OSBP2: variants seen among roughly 807,000 people sequenced by gnomAD.
OSBP2 encodes the protein oxysterol binding protein 2.
OSBP2 carries 66 observed loss-of-function variants against 96.0 expected under a neutral mutation model. The observed-to-expected ratio is 0.69, with a 90% confidence interval of 0.56 to 0.84. The LOEUF (loss-of-function observed/expected upper bound fraction) is 0.84. Among genes scored for constraint, OSBP2 ranks in the 40% least tolerant of loss-of-function variants. The pLI is 0.00. For synonymous variants in OSBP2, 525 were observed against 520.9 expected (o/e 1.01, Z -0.11); for missense variants, 1,038 against 1,222.7 (o/e 0.85, Z 2.25).
intron 2 of OSBP2, among the ~76,000 whole-genome samples, chr22:30,749,961 G>C (rs2090053652): frequency 6.6e-6 from 1 of 152,172 alleles, no homozygotes; most frequent in African/African-American, 2.4e-5. Context: ...CAGTGAGACT[G>C]ATTTCTGCTT....
chr22:30,891,999 G>T (rs1192475145), intron 8 of OSBP2, among the ~76,000 whole-genome samples: 1 of 152,152 alleles, frequency 6.6e-6, no homozygotes, highest in African/African-American at 2.4e-5. Context: ...GGAAAGGAGG[G>T]TGAAGAAGCA....
At chr22:30,886,539 A>G (rs1455521354) in intron 3 of OSBP2, among the ~76,000 whole-genome samples, 1 of 152,202 alleles carries the variant, frequency 6.6e-6, no homozygotes, top group Non-Finnish European at 1.5e-5. Flanking sequence ...CTGTGAATAG[A>G]GATTCTTTAC....
At chr22:30,880,843 T>TG (rs1373452527) in intron 3 of OSBP2, among the ~76,000 whole-genome samples, 3 of 152,180 alleles carry the variant, frequency 2.0e-5, no homozygotes, top group African/African-American at 7.2e-5. Flanking sequence ...GTCTGTCCCA[T>TG]GGGGCACCGG....
intron 2 of OSBP2, among the ~76,000 whole-genome samples, chr22:30,756,573 G>A (rs2090143102): frequency 6.6e-6 from 1 of 152,106 alleles, no homozygotes; most frequent in Non-Finnish European, 1.5e-5. Context: ...CACGCCTGTA[G>A]TCACAGCTAC....
intron 2 of OSBP2, among the ~76,000 whole-genome samples, chr22:30,805,615 G>T (rs572682080): frequency 1.3e-5 from 2 of 152,146 alleles, no homozygotes; most frequent in Admixed American, 6.5e-5. Context: ...GTCTACCTCC[G>T]CTGGTTATTA....
chr22:30,745,513 T>A (rs1356868822), intron 2 of OSBP2, among the ~76,000 whole-genome samples: 1 of 151,318 alleles, frequency 6.6e-6, no homozygotes, highest in Non-Finnish European at 1.5e-5. Context: ...AATTTAAAAA[T>A]TAAATTAGCC....
chr22:30,756,896 C>T (rs950913148), intron 2 of OSBP2, among the ~76,000 whole-genome samples: 10 of 152,112 alleles, frequency 6.6e-5, no homozygotes, highest in African/African-American at 1.4e-4. Flanking sequence ...GCTGAGCACA[C>T]GTACACATGC....
At chr22:30,827,815 G>T (rs920983635) in intron 2 of OSBP2, among the ~76,000 whole-genome samples, 1 of 152,190 alleles carries the variant, frequency 6.6e-6, no homozygotes, top group African/African-American at 2.4e-5. Context: ...TGGGAAGCCC[G>T]TGGCCCACGG....
In OSBP2 at chr22:30,743,951, C is replaced by T. The variant is rs140120985; in HGVS notation, c.853+2582C>T. Among the ~76,000 whole-genome samples, 5 of 152,274 alleles carry T rather than the reference C, an allele frequency of 3.3e-5. No individual in the cohort carries two copies. In the East Asian group the frequency reaches 9.7e-4, roughly 29 times the overall value. On this transcript the variant is annotated intron_variant, in intron 2 of 13. Coordinates refer to ENST00000332585, the MANE Select transcript of OSBP2 (RefSeq NM_030758.4). ...CCTGAGGGAGTAACCTTAGGCTCAG[C>T]TTCCTTCATTGTATGAGATGCAGCA... is the stretch of plus-strand genomic sequence containing the variant.
intron 2 of OSBP2, among the ~76,000 whole-genome samples, chr22:30,808,092 C>A (rs1047822398): frequency 6.6e-6 from 1 of 152,146 alleles, no homozygotes; most frequent in East Asian, 1.9e-4. Flanking sequence ...GCCCAGCCAG[C>A]CAAATTTTAC....
At chr22:30,697,404 AAG>A (rs2089063529) in intron 1 of OSBP2, among the ~76,000 whole-genome samples, 1 of 151,970 alleles carries the variant, frequency 6.6e-6, no homozygotes, top group African/African-American at 2.4e-5. Context: ...TCAGTCTCCC[AAG>A]TAGCTGGGAT....
chr22:30,831,109 C>A (rs980115234), intron 2 of OSBP2, among the ~76,000 whole-genome samples: 1 of 152,178 alleles, frequency 6.6e-6, no homozygotes, highest in Non-Finnish European at 1.5e-5. Flanking sequence ...AGAATGCAAT[C>A]GCTGAGTCAA....
chr22:30,835,608 AT>A (rs762998603), intron 2 of OSBP2, among the ~76,000 whole-genome samples: 2 of 151,776 alleles, frequency 1.3e-5, no homozygotes, highest in Non-Finnish European at 2.9e-5. Flanking sequence ...CCATACTGGT[AT>A]TTTCTAAAAA....
intron 1 of OSBP2, among the ~76,000 whole-genome samples, chr22:30,697,302 T>C (rs1234623357): frequency 1.3e-5 from 2 of 152,032 alleles, no homozygotes; most frequent in African/African-American, 4.8e-5. Context: ...TTTTTTGAGA[T>C]GGAGTCTCAC....
chr22:30,794,934 A>G (rs1019420391), intron 2 of OSBP2, among the ~76,000 whole-genome samples: 84 of 147,702 alleles, frequency 5.7e-4, no homozygotes, highest in African/African-American at 2.1e-3. Flanking sequence ...TTTTTGAGAC[A>G]GAGTCTCGCT....
intron 2 of OSBP2, among the ~76,000 whole-genome samples, chr22:30,760,415 T>A (rs1201530899): frequency 6.6e-6 from 1 of 152,192 alleles, no homozygotes; most frequent in African/African-American, 2.4e-5. Flanking sequence ...ATATTAACAA[T>A]TTGAAACCAG....
In OSBP2 at chr22:30,717,086, GTT is replaced by G. The variant is rs144392805; in HGVS notation, c.644+21537_644+21538del. 4.0e-4 allele frequency among the ~76,000 whole-genome samples: 39 copies of G among 96,576 alleles called. 1 individual carries two copies. Among genetic ancestry groups the G allele is most frequent in the Admixed American group, 2.1e-3 (21 of 9,860 alleles). 63.4% of individuals were successfully genotyped at this position (96,576 alleles called of 152,430 possible). A position where few individuals can be genotyped will look rare whatever the true frequency, so the allele number is the denominator to read the frequency against. On this transcript the variant is annotated intron_variant, in intron 1 of 13. Transcript: ENST00000332585. The stretch of plus-strand genomic sequence containing the variant: ...AAATCTATTTTGTTTTAATTTTACT[GTT>G]TTTGTGTGTGTGTGTGTGTGTGTGT...
rs560078736 is a variant in OSBP2, at chr22:30,786,301, G to A, written c.853+44932G>A. On this transcript the variant is annotated intron_variant, in intron 2 of 13. Coordinates refer to ENST00000332585, the MANE Select transcript of OSBP2 (RefSeq NM_030758.4). ...GCCTCCCAAAGTGCTGGGATTTCAG[G>A]TGTGAACCACTGCACCCAGCCTCAG... Among the ~76,000 whole-genome samples the A allele has an allele frequency of 2.6e-5, 4 of 152,216 alleles. No homozygotes were observed. The East Asian group carries it at 7.7e-4, about 29-fold the overall frequency.
chr22:30,695,652 C>G (rs2089016643), intron 1 of OSBP2, 99 bp downstream of exon 1: 1 of 1,517,520 alleles, frequency 6.6e-7, no homozygotes, highest in African/African-American at 1.4e-5. Context: ...TGCCACTAGT[C>G]TAGAGATGTT....
Sources: allele counts gnomAD v4.1 joint callset (sites outside exome capture counted in the v4.1 genomes callset), GRCh38; gene constraint gnomAD v4.1.1; transcripts MANE v1.5; gene names NCBI Gene and HGNC (gene_info 2026-07-23, HGNC 2026-07-21).